ECT2: variants seen among roughly 807,000 people sequenced by gnomAD.
ECT2 encodes protein ECT2.
ECT2 carries 61 observed loss-of-function variants against 116.9 expected under a neutral mutation model. The ratio of observed to expected loss-of-function variants is 0.52; its 90% CI spans 0.42 to 0.65. ECT2 has a LOEUF of 0.65. ECT2 is among the 30% of genes least tolerant of loss of function. The pLI, the probability that ECT2 is intolerant of heterozygous loss-of-function variation, is 0.00. For synonymous variants in ECT2, 358 were observed against 346.4 expected (o/e 1.03, Z -0.37); for missense variants, 937 against 1,078.7 (o/e 0.87, Z 1.84).
chr3:172,765,408 T>G (rs1306785611), intron 12 of ECT2, among the ~76,000 whole-genome samples: 2 of 152,170 alleles, frequency 1.3e-5, no homozygotes, highest in African/African-American at 4.8e-5. Flanking sequence ...TGAAAAGCAT[T>G]TGTATGCTGA....
intron 13 of ECT2, among the ~76,000 whole-genome samples, chr3:172,773,221 GT>G (rs1378960470): frequency 3.3e-5 from 5 of 151,944 alleles, no homozygotes; most frequent in African/African-American, 1.2e-4. Flanking sequence ...GTATACTGTA[GT>G]TTTTAGCATC....
At chr3:172,790,159 T>A (rs765422518) in intron 18 of ECT2, among the ~76,000 whole-genome samples, 3 of 152,214 alleles carry the variant, frequency 2.0e-5, no homozygotes, top group Non-Finnish European at 2.9e-5. Flanking sequence ...CCTCTCATGC[T>A]CAGCTTCACC....
rs1252965348 is a variant in ECT2 at position 172,750,727 on chromosome 3, A to G, written c.-153A>G. On this transcript the variant is annotated 5_prime_UTR_variant, in exon 1 of 25. Transcript: ENST00000392692. ...GGAAAGAGGTTGACATCACGCGCCAATCGGCATGGCTCTTAGAGAGAGCAG... is the reference window on the plus strand; with the variant it reads ...GGAAAGAGGTTGACATCACGCGCCAGTCGGCATGGCTCTTAGAGAGAGCAG... 1 of 152,640 alleles carries G rather than the reference A, an allele frequency of 6.6e-6. No homozygotes were observed. Among genetic ancestry groups the G allele is most frequent in the Non-Finnish European group, 1.5e-5 (1 of 68,090 alleles). The allele number at this position is 152,640 out of a possible 1,614,324, so 9.5% of individuals were successfully genotyped here. A position where few individuals can be genotyped will look rare whatever the true frequency, so the allele number is the denominator to read the frequency against.
chr3:172,818,384 A>G (rs1221264147), intron 24 of ECT2: 4 of 334,852 alleles, frequency 1.2e-5, no homozygotes, highest in African/African-American at 9.0e-5. Context: ...TATTGTAAAC[A>G]TTTTCATCTT....
intron 10 of ECT2, 44 bp from the exon 11 acceptor site, chr3:172,762,866 A>G: frequency 3.7e-6 from 6 of 1,610,804 alleles, no homozygotes; most frequent in Non-Finnish European, 5.1e-6. Flanking sequence ...TCTCTGATAA[A>G]ATAAATGTAA....
At chr3:172,827,284 A>G in the ECT2 span, among the ~76,000 whole-genome samples, 1 of 152,238 alleles carries the variant, frequency 6.6e-6, no homozygotes, top group Admixed American at 6.5e-5. Flanking sequence ...CTGGGTATAT[A>G]TTTAAAAGAA....
At chr3:172,810,637 G>A (rs929508471) in intron 22 of ECT2, among the ~76,000 whole-genome samples, 4 of 152,114 alleles carry the variant, frequency 2.6e-5, no homozygotes, top group African/African-American at 9.7e-5. Flanking sequence ...AGGCTAAAGG[G>A]AGGGGACACG....
At chr3:172,814,964 C>G (rs1412016069) in intron 22 of ECT2, among the ~76,000 whole-genome samples, 1 of 152,186 alleles carries the variant, frequency 6.6e-6, no homozygotes, top group Non-Finnish European at 1.5e-5. Flanking sequence ...CCACCCTATC[C>G]TGTCCTCCCC....
intron 16 of ECT2, among the ~76,000 whole-genome samples, chr3:172,784,173 G>A (rs1048455594): frequency 6.6e-6 from 1 of 151,582 alleles, no homozygotes; most frequent in Admixed American, 6.6e-5. Context: ...CGGGTGCACC[G>A]GCCAATGTCA....
Position 172,765,070 on chromosome 3 carries a change from C to T in ECT2, c.1291+570C>T, listed in dbSNP as rs576082661. ...TCATGACACTTTTCACTTATTGTCC[C>T]ATTTTTCTGTTTGCTTTCACATCAG... is the stretch of plus-strand genomic sequence containing the variant. On this transcript the variant is annotated intron_variant, in intron 12 of 24. Coordinates refer to ENST00000392692, the MANE Select transcript of ECT2 (RefSeq NM_001258315.2). Among the ~76,000 whole-genome samples the T allele has an allele frequency of 9.2e-5, 14 of 152,262 alleles. No homozygotes were observed. In the South Asian group the frequency reaches 2.9e-3, roughly 32 times the overall value.
In ECT2 at chr3:172,769,805, TAGAA is replaced by T. The variant is rs1720270164; in HGVS notation, c.1428+667_1428+670del. Among the ~76,000 whole-genome samples, 6 of 152,248 alleles carry T rather than the reference TAGAA, an allele frequency of 3.9e-5. No individual in the cohort carries two copies. The South Asian group carries it at 1.2e-3, about 32-fold the overall frequency. On this transcript the variant is annotated intron_variant, in intron 13 of 24. Transcript: ENST00000392692. ...TAATAGGCCATTATGTTGGTATCTG[TAGAA>T]AGAAGGAAGAAATCTGTTTTAGGTA...
intron 18 of ECT2, among the ~76,000 whole-genome samples, chr3:172,790,690 C>G (rs146509329): frequency 6.6e-6 from 1 of 152,298 alleles, no homozygotes; most frequent in African/African-American, 2.4e-5. Context: ...TGAAATTACT[C>G]CTTGATTCAT....
chr3:172,820,032 C>T (rs1730479812), intron 24 of ECT2, 116 bp from the exon 25 acceptor site: 1 of 653,348 alleles, frequency 1.5e-6, no homozygotes, highest in Non-Finnish European at 2.5e-6. Flanking sequence ...ATGTCTTGTA[C>T]TTAATTGTTA....
intron 23 of ECT2, 74 bp downstream of exon 23, chr3:172,815,785 C>A: frequency 2.2e-6 from 2 of 924,046 alleles, no homozygotes; most frequent in Non-Finnish European, 3.4e-6. Flanking sequence ...AATATTGCTG[C>A]AAACACCAGT....
downstream of ECT2, chr3:172,821,618 G>A (rs576696055): frequency 1.3e-5 from 2 of 151,656 alleles, no homozygotes; most frequent in East Asian, 3.9e-4. Flanking sequence ...TTTATTTTAC[G>A]AGGCTATCTG....
intron 24 of ECT2, chr3:172,818,558 C>G: frequency 7.8e-7 from 1 of 1,278,204 alleles, no homozygotes. Flanking sequence ...ATTACCCATT[C>G]TGTTTCCACA....
chr3:172,783,891 A>G lies in ECT2; in HGVS notation c.1710A>G (p.Arg570=). The G allele has an allele frequency of 6.3e-7, 1 of 1,592,880 alleles. No individual in the cohort carries two copies. Among genetic ancestry groups the G allele is most frequent in the Non-Finnish European group, 8.6e-7 (1 of 1,167,808 alleles). The change falls in exon 16 of 25, where the codon AGA becomes AGG. Residue 570 remains arginine (R), a synonymous_variant. Coordinates refer to ENST00000392692, the MANE Select transcript of ECT2 (RefSeq NM_001258315.2). ...TTAAATGTGAAAAACAGAAACCAAG[A>G]TTTCATGCTTTTCTCAAGGTAATGT... ...TIIKCEKQKP[R]FHAFLKINQA... is the part of the protein sequence containing the mutation.
chr3:172,803,024 G>T, intron 20 of ECT2, 44 bp downstream of exon 20: 1 of 1,521,750 alleles, frequency 6.6e-7, no homozygotes. Flanking sequence ...ACTGATTTTT[G>T]TAAGTTCCCT....
rs189871840 is a variant in ECT2 at position 172,773,876 on chromosome 3, C to T, written c.1429-27C>T. The stretch of plus-strand genomic sequence containing the variant: ...GCTCTTTTCTTTTTCCCACAATCTA[C>T]TTAAACTAGTCTTTTTTCTCATTTA... On this transcript the variant is annotated intron_variant, in intron 13 of 24. Coordinates refer to ENST00000392692, the MANE Select transcript of ECT2 (RefSeq NM_001258315.2). 1.0e-4 allele frequency: 163 copies of T among 1,607,408 alleles called. No homozygotes were observed. In the African/African-American group the frequency reaches 2.0e-3, roughly 19 times the overall value.
Sources: gnomAD v4.1 joint callset for allele counts (sites outside exome capture counted in the v4.1 genomes callset) on GRCh38, gnomAD v4.1.1 for gene constraint, MANE v1.5 for transcripts, NCBI Gene and HGNC (gene_info 2026-07-23, HGNC 2026-07-21) for gene names.